The following ATM variants were observed in gnomAD, a reference collection of about 807,000 sequenced individuals.
ATM encodes ATM serine/threonine kinase.
Under a neutral mutation model 387.0 loss-of-function variants are expected in ATM, and 308 were observed. The ratio of observed to expected loss-of-function variants is 0.80; its 90% CI spans 0.73 to 0.87. The LOEUF (loss-of-function observed/expected upper bound fraction) is 0.87, where lower values mean the gene tolerates loss of function less well. ATM is among the 40% of genes least tolerant of loss of function. ATM has a pLI of 0.00. For missense variants in ATM, 3,312 were observed against 3,560.9 expected, an observed-to-expected ratio of 0.93 and a Z score of 1.78; for synonymous variants, 1,156 against 1,187.3, an observed-to-expected ratio of 0.97 and a Z score of 0.54.
intron 15 of ATM, 63 bp from the exon 16 acceptor site, chr11:108,258,923 G>C (rs1404206419): frequency 1.5e-6 from 2 of 1,343,268 alleles, no homozygotes; most frequent in African/African-American, 1.4e-5. Context: ...AGAAAACACT[G>C]TCTGCCAAGA....
chr11:108,272,955 C>G (rs2135575303), intron 22 of ATM, 103 bp downstream of exon 22: 2 of 1,427,696 alleles, frequency 1.4e-6, no homozygotes, highest in South Asian at 1.1e-5. Context: ...ATAGCTAACA[C>G]TTGTTGAGTA....
rs754002355 is a variant in ATM, at chr11:108,332,877, C to G, written c.7904C>G (p.Ala2635Gly). Residue 2635 changes from alanine to glycine, a missense_variant, in exon 53 of 63, where the codon GCC (alanine) becomes GGC (glycine). Physicochemically the swap from Ala to Gly is moderately conservative, Grantham distance 60. Around this residue, in one of 4 missense-constraint regions of ATM, gnomAD observed 1,405 missense variants for 1,604.4 expected, o/e 0.88. Transcript: ENST00000675843. ...DAYIILANLD[A>G]TQWKTQRKGI... Reference sequence around the variant, plus strand: ...TATATTATATTAGCAAACTTAGATGCCACTCAGTGGAAGACTCAGAGAAGT... The same window carrying G: ...TATATTATATTAGCAAACTTAGATGGCACTCAGTGGAAGACTCAGAGAAGT... The G allele has an allele frequency of 7.4e-6, 12 of 1,612,724 alleles. No homozygotes were observed. The East Asian group carries it at 2.7e-4, about 36-fold the overall frequency.
intron 5 of ATM, chr11:108,236,149 T>C (rs1326724953): frequency 2.7e-6 from 1 of 377,352 alleles, no homozygotes; most frequent in Non-Finnish European, 5.0e-6. Flanking sequence ...TGTGCTGTGA[T>C]ACAGACATAT....
intron 30 of ATM, among the ~76,000 whole-genome samples, 171 bp downstream of exon 30, chr11:108,292,964 A>G (rs1432116794): frequency 1.3e-5 from 2 of 152,226 alleles, no homozygotes; most frequent in Non-Finnish European, 1.5e-5. Flanking sequence ...TCAATTACAG[A>G]GCACTTGGTA....
intron 59 of ATM, among the ~76,000 whole-genome samples, chr11:108,349,390 C>T (rs1271860984): frequency 6.6e-6 from 1 of 151,458 alleles, no homozygotes. Context: ...ATCTGCCAGG[C>T]GCGGTGGATC....
intron 56 of ATM, among the ~76,000 whole-genome samples, chr11:108,338,633 A>G (rs227067): frequency 0.63 from 95,888 of 151,750 alleles, 30,717 homozygotes; most frequent in Middle Eastern, 0.77. Flanking sequence ...TCCAGTCTGG[A>G]CAACAGAGCA....
At chr11:108,310,475 A>C (rs907686411) in intron 39 of ATM, among the ~76,000 whole-genome samples, 160 bp downstream of exon 39, 2 of 152,156 alleles carry the variant, frequency 1.3e-5, no homozygotes, top group African/African-American at 4.8e-5. Flanking sequence ...TTTAAAAAGG[A>C]ATATGTAATT....
At position 108,289,694 on chromosome 11, in the gene ATM, C is replaced by A. The variant is rs377065665; in HGVS notation, c.4329C>A (p.His1443Gln). 1.6e-5 allele frequency: 26 copies of A among 1,613,350 alleles called. No homozygotes were observed. In the African/African-American group the frequency reaches 1.7e-4, roughly 11 times the overall value. The change falls in exon 29 of 63, where the codon CAC (histidine) becomes CAA (glutamine). Residue 1443 changes from histidine (H) to glutamine (Q), a missense_variant. Around this residue, in one of 4 missense-constraint regions of ATM, gnomAD observed 1,791 missense variants for 1,804.5 expected, o/e 0.99. Transcript: ENST00000675843. ...AGCACAGAATTCTTAAAATATATCA[C>A]CTGTTTGTTAGTTTATTACTGAAAG... ...YKKHRILKIY[H>Q]LFVSLLLKDI...
intron 36 of ATM, 106 bp from the exon 37 acceptor site, chr11:108,304,569 T>C: frequency 8.8e-7 from 1 of 1,135,486 alleles, no homozygotes; most frequent in Non-Finnish European, 1.3e-6. Flanking sequence ...ATCTATCATC[T>C]TTTAGAAATT....
rs1064795204 is a variant in ATM at position 108,331,983 on chromosome 11, CAGA to C, written c.7740_7742del (p.Arg2580del). 6.2e-7 allele frequency: 1 copy of C among 1,613,982 alleles called. No homozygotes were observed. The highest frequency in any genetic ancestry group is 2.2e-5 in the East Asian group (1 of 44,850). On this transcript the variant is annotated inframe_deletion, in exon 52 of 63. Transcript: ENST00000675843. ...AATTTCTGACTAAACCAGAGGTAGC[CAGA>C]AGAAGCAGAATAACTAAAAATGTGC... is the stretch of plus-strand genomic sequence containing the variant.
intron 56 of ATM, among the ~76,000 whole-genome samples, chr11:108,339,538 A>T (rs563281708): frequency 6.6e-6 from 1 of 152,126 alleles, no homozygotes; most frequent in Non-Finnish European, 1.5e-5. Flanking sequence ...TGGTATTCAC[A>T]CAAAATACCC....
At chr11:108,354,920 A>G (rs1173309552) in intron 61 of ATM, 46 bp downstream of exon 61, 2 of 1,501,036 alleles carry the variant, frequency 1.3e-6, no homozygotes, top group South Asian at 1.1e-5. Flanking sequence ...CTTACCAGGT[A>G]GACTGTGTAT....
chr11:108,308,616 T>C (rs2083876577), intron 38 of ATM: 1 of 206,674 alleles, frequency 4.8e-6, no homozygotes, highest in African/African-American at 2.3e-5. Context: ...AGAAATAGTG[T>C]AGTAGGCCTA....
rs2136305405 is a variant in ATM, at chr11:108,325,291, T to A, written c.6573-19T>A. ...TTTCATTTCTCTTGCTTACATGAACTCTATGTCGTGGCATTCAGATCAGTC... is the reference window on the plus strand; with the variant it reads ...TTTCATTTCTCTTGCTTACATGAACACTATGTCGTGGCATTCAGATCAGTC... On this transcript the variant is annotated intron_variant, in intron 45 of 62. Coordinates refer to ENST00000675843, the MANE Select transcript of ATM (RefSeq NM_000051.4). 9.8e-6 allele frequency: 10 copies of A among 1,023,072 alleles called. No homozygotes were observed. Among genetic ancestry groups the A allele is most frequent in the Non-Finnish European group, 1.5e-5 (10 of 664,782 alleles). The allele number at this position is 1,023,072 out of a possible 1,614,324, so 63.4% of individuals were successfully genotyped here.
chr11:108,308,244 A>C (rs369514832), intron 38 of ATM, among the ~76,000 whole-genome samples: 2 of 152,162 alleles, frequency 1.3e-5, no homozygotes, highest in East Asian at 1.9e-4. Context: ...TCTTGGCTCC[A>C]ATTTATTTCA....
rs2081577708 is a variant in ATM, at chr11:108,271,413, A to C, written c.3077+7A>C. On this transcript the variant is annotated splice_region_variant and intron_variant, in intron 20 of 62. Transcript: ENST00000675843. Reference sequence around the variant, plus strand: ...CAGTAATTGGAGCATTTTGGTAGGTACAGTCTATTTTGTGGTCCTATTTTT... The same window carrying C: ...CAGTAATTGGAGCATTTTGGTAGGTCCAGTCTATTTTGTGGTCCTATTTTT... The C allele has an allele frequency of 6.2e-7, 1 of 1,613,990 alleles. No homozygotes were observed. Among genetic ancestry groups the C allele is most frequent in the Non-Finnish European group, 8.5e-7 (1 of 1,179,980 alleles).
At chr11:108,357,972 A>C (rs1480654663) in intron 61 of ATM, among the ~76,000 whole-genome samples, 8 of 149,416 alleles carry the variant, frequency 5.4e-5, no homozygotes, top group Non-Finnish European at 1.0e-4. Context: ...TGAGAGAAGA[A>C]GGCTTCAGAC....
intron 5 of ATM, among the ~76,000 whole-genome samples, chr11:108,241,738 C>CTTTT (rs1235260816): frequency 1.5e-4 from 12 of 82,064 alleles, no homozygotes; most frequent in South Asian, 5.6e-4. Context: ...GTCTTTCTTT[C>CTTTT]TTTCTTTTTT....
At chr11:108,335,644 G>C (rs1342739403) in intron 55 of ATM, among the ~76,000 whole-genome samples, 2 of 152,070 alleles carry the variant, frequency 1.3e-5, no homozygotes, top group African/African-American at 4.8e-5. Context: ...AAGTAGCGAG[G>C]GGAAACTTTC....
Sources: allele counts gnomAD v4.1 joint callset (sites outside exome capture counted in the v4.1 genomes callset), GRCh38; gene constraint gnomAD v4.1.1; regional missense constraint gnomAD v4.1.1; transcripts MANE v1.5; gene names NCBI Gene and HGNC (gene_info 2026-07-23, HGNC 2026-07-21).